The following BSDC1 variants were observed in gnomAD, a reference collection of about 807,000 sequenced individuals.
BSDC1 encodes the protein BSD domain-containing protein 1.
In BSDC1, 29 loss-of-function variants were observed where a neutral mutation model predicts 56.0. The ratio of observed to expected loss-of-function variants is 0.52; its 90% CI spans 0.39 to 0.71. BSDC1 has a LOEUF of 0.71. Ranked by LOEUF, BSDC1 falls within the 30% of genes least tolerant of loss-of-function variation. The pLI is 0.00. For missense variants in BSDC1, 477 were observed against 548.5 expected (o/e 0.87, Z 1.30); for synonymous variants, 210 against 215.3 (o/e 0.98, Z 0.21).
intron 9 of BSDC1, among the ~76,000 whole-genome samples, chr1:32,370,215 T>C (rs1031103831): frequency 2.0e-5 from 3 of 152,196 alleles, no homozygotes; most frequent in African/African-American, 7.2e-5. Flanking sequence ...TGACCTTAGG[T>C]GATCCGCCTG....
In BSDC1 at chr1:32,376,253, C is replaced by A. The variant is rs200768243; in HGVS notation, c.1156+9G>T. 167 of 1,487,246 alleles carry A rather than the reference C, an allele frequency of 1.1e-4. 5 individuals carry two copies. In the South Asian group the frequency reaches 2.2e-3, roughly 19 times the overall value. 92.1% of individuals were successfully genotyped at this position (1,487,246 alleles called of 1,614,324 possible). ...ACACAACCCTCTGGGCTTGGACCTC[C>A]AGACCTACCTTTCTTTCCATTGTTG... is the stretch of plus-strand genomic sequence containing the variant. On this transcript the variant is annotated intron_variant, in intron 9 of 10. Transcript: ENST00000455895.
chr1:32,383,454 T>TAA (rs1254003357), intron 4 of BSDC1, among the ~76,000 whole-genome samples: 8 of 136,330 alleles, frequency 5.9e-5, no homozygotes, highest in Non-Finnish European at 6.4e-5. Context: ...CCTGTCTCAT[T>TAA]AAAAAAAAAA....
rs1226413564 is a variant in BSDC1, at chr1:32,366,607, C to A, written c.*15G>T. 5 of 1,500,780 alleles carry A rather than the reference C, an allele frequency of 3.3e-6. No homozygotes were observed. The African/African-American group carries it at 4.2e-5, about 13-fold the overall frequency. The allele number at this position is 1,500,780 out of a possible 1,614,324, so 93.0% of individuals were successfully genotyped here. On this transcript the variant is annotated 3_prime_UTR_variant, in exon 11 of 11. Coordinates refer to ENST00000455895, the MANE Select transcript of BSDC1 (RefSeq NM_018045.8). ...AGAGATGCCATGGGTGGGGGAGCTG[C>A]TCCCTCTGGCTCCCTCACTCCCAGT...
In BSDC1 at chr1:32,378,179, G is replaced by T; in HGVS notation, c.597+36C>A. On this transcript the variant is annotated intron_variant, in intron 7 of 10. Coordinates refer to ENST00000455895, the MANE Select transcript of BSDC1 (RefSeq NM_018045.8). This position sits in a 1 kb window ranked among gnomAD's most constrained non-coding sequence, Gnocchi z 5.2. ...ATAAATCCAGCCTGCTTCCCCCAGG[G>T]TTGAGTGGGGACCTCCCCATGCTAG... 6.2e-7 allele frequency: 1 copy of T among 1,610,372 alleles called. No individual in the cohort carries two copies. The highest frequency in any genetic ancestry group is 1.3e-5 in the African/African-American group (1 of 74,978).
intron 9 of BSDC1, among the ~76,000 whole-genome samples, chr1:32,370,247 G>C (rs1475281614): frequency 6.6e-6 from 1 of 152,136 alleles, no homozygotes; most frequent in African/African-American, 2.4e-5. Flanking sequence ...CAAAGTACTG[G>C]GATTATAGGC....
chr1:32,369,781 T>A (rs1020238737), intron 9 of BSDC1, among the ~76,000 whole-genome samples: 1 of 152,156 alleles, frequency 6.6e-6, no homozygotes, highest in African/African-American at 2.4e-5. Flanking sequence ...ATCATCACCC[T>A]CACTCTGCTC....
intron 9 of BSDC1, among the ~76,000 whole-genome samples, chr1:32,372,858 C>T (rs552627080): frequency 9.2e-5 from 14 of 152,306 alleles, no homozygotes; most frequent in Admixed American, 3.9e-4. Context: ...TTAGGTCACA[C>T]GGTCATGAAG....
At chr1:32,377,278 G>T (rs1642326265) in intron 8 of BSDC1, among the ~76,000 whole-genome samples, 1 of 152,230 alleles carries the variant, frequency 6.6e-6, no homozygotes, top group Non-Finnish European at 1.5e-5. Flanking sequence ...TGCAGTCCAA[G>T]GGGCTGTTAT....
chr1:32,369,326 T>C, intron 9 of BSDC1: 1 of 1,288,756 alleles, frequency 7.8e-7, no homozygotes, highest in Non-Finnish European at 1.0e-6. Flanking sequence ...AACAGTGAAC[T>C]GAGACCTTGT....
At chr1:32,368,409 T>A in intron 10 of BSDC1, 38 bp downstream of exon 10, 5 of 1,614,072 alleles carry the variant, frequency 3.1e-6, no homozygotes, top group Non-Finnish European at 4.2e-6. Context: ...CCCAGGACCA[T>A]TAGGCTCGCT....
Position 32,366,529 on chromosome 1 carries a change from TG to T in BSDC1, c.*92del. The T allele has an allele frequency of 2.4e-6, 3 of 1,228,210 alleles. No individual in the cohort carries two copies. Among genetic ancestry groups the T allele is most frequent in the Non-Finnish European group, 3.5e-6 (3 of 851,666 alleles). The allele number at this position is 1,228,210 out of a possible 1,614,324, so 76.1% of individuals were successfully genotyped here. On this transcript the variant is annotated 3_prime_UTR_variant, in exon 11 of 11. Coordinates refer to ENST00000455895, the MANE Select transcript of BSDC1 (RefSeq NM_018045.8). ...AGAGCTCTGGTTGGCAGAGGAGATT[TG>T]GGGGAACATTCTCAGTCTTCCAGGG...
At chr1:32,366,819 G>A in intron 10 of BSDC1, 165 bp from the exon 11 acceptor site, 3 of 1,375,356 alleles carry the variant, frequency 2.2e-6, no homozygotes, top group Non-Finnish European at 2.8e-6. Context: ...GAATGTGTCT[G>A]AGGGGCAGAG....
rs767782460 is a variant in BSDC1 at position 32,394,062 on chromosome 1, G to A, written c.72+18C>T. 6.2e-7 allele frequency: 1 copy of A among 1,604,732 alleles called. No individual in the cohort carries two copies. The highest frequency in any genetic ancestry group is 1.7e-5 in the Admixed American group (1 of 58,722). On this transcript the variant is annotated intron_variant, in intron 2 of 10. Coordinates refer to ENST00000455895, the MANE Select transcript of BSDC1 (RefSeq NM_018045.8). The stretch of plus-strand genomic sequence containing the variant: ...CGCAGGGCCCTGCTGAGGGAAGAAG[G>A]GCACGGGCCCGGCTTACCTTCTCTT...
chr1:32,386,584 T>C (rs1265995572), intron 3 of BSDC1, 195 bp downstream of exon 3: 2 of 496,484 alleles, frequency 4.0e-6, no homozygotes, highest in African/African-American at 4.0e-5. Flanking sequence ...AATACAGAAG[T>C]GGGAAAACTA....
At position 32,377,998 on chromosome 1, in the gene BSDC1, A is replaced by C; in HGVS notation, c.648T>G (p.Ser216=). ...CCTCCTCCTCCCAGCCGGGCTCTTC[A>C]GAGATGCTCTGTTCCGCCCGCTGCT... The part of the protein sequence containing the change: ...ALKQRAEQSI[S]EEPGWEEEEE... Residue 216 remains serine (S), a synonymous_variant, in exon 8 of 11, where the codon TCT becomes TCG. Coordinates refer to ENST00000455895, the MANE Select transcript of BSDC1 (RefSeq NM_018045.8). 1 of 1,613,372 alleles carries C rather than the reference A, an allele frequency of 6.2e-7. No homozygotes were observed. Among genetic ancestry groups the C allele is most frequent in the East Asian group, 2.2e-5 (1 of 44,870 alleles).
rs1557651762 is a variant in BSDC1, at chr1:32,384,109, G to A, written c.190-112C>T. 3.4e-6 allele frequency: 5 copies of A among 1,473,716 alleles called. No individual in the cohort carries two copies. The East Asian group carries it at 1.1e-4, about 34-fold the overall frequency. 91.3% of individuals were successfully genotyped at this position (1,473,716 alleles called of 1,614,324 possible). On this transcript the variant is annotated intron_variant, in intron 3 of 10. Transcript: ENST00000455895. ...TACCGTGTGTTGGGGGACCAGGGAAGCGCTCACGACCCTTCACCCGTCTCT... is the reference window on the plus strand; with the variant it reads ...TACCGTGTGTTGGGGGACCAGGGAAACGCTCACGACCCTTCACCCGTCTCT...
chr1:32,385,339 C>T (rs533013359), intron 3 of BSDC1, among the ~76,000 whole-genome samples: 16 of 152,190 alleles, frequency 1.1e-4, no homozygotes, highest in Admixed American at 4.6e-4. Context: ...GGGTACTAGT[C>T]GGTGATGGGT....
rs1249694606 is a variant in BSDC1 at position 32,365,224 on chromosome 1, T to TTTTTTTCC, written c.*1390_*1397dup. 6.6e-6 allele frequency: 1 copy of TTTTTTTCC among 152,186 alleles called. No individual in the cohort carries two copies. The highest frequency in any genetic ancestry group is 1.9e-4 in the East Asian group (1 of 5,204). 9.4% of individuals were successfully genotyped at this position (152,186 alleles called of 1,614,324 possible). A position where few individuals can be genotyped will look rare whatever the true frequency, so the allele number is the denominator to read the frequency against. ...TAACAGCTGTTAGAATCTTTTTTTC[T>TTTTTTTCC]TTTTTTCCTTTTTTCTTTTCCCAGC... On this transcript the variant is annotated 3_prime_UTR_variant, in exon 11 of 11. Coordinates refer to ENST00000455895, the MANE Select transcript of BSDC1 (RefSeq NM_018045.8).
chr1:32,393,745 G>A, intron 2 of BSDC1: 1 of 338,156 alleles, frequency 3.0e-6, no homozygotes, highest in Non-Finnish European at 5.5e-6. Context: ...TTTACTGCTA[G>A]AATCTTTTCC....
Sources: allele counts gnomAD v4.1 joint callset (sites outside exome capture counted in the v4.1 genomes callset), GRCh38; gene constraint gnomAD v4.1.1; non-coding constraint Gnocchi (gnomAD v3.1); transcripts MANE v1.5; gene names NCBI Gene and HGNC (gene_info 2026-07-23, HGNC 2026-07-21).